Variants in SDK1 observed in about 807,000 individuals in gnomAD.
The protein encoded by SDK1 is sidekick cell adhesion molecule 1.
SDK1 carries 157 observed loss-of-function variants against 245.5 expected under a neutral mutation model. That is an observed-to-expected ratio of 0.64 (90% CI 0.56 to 0.73). The LOEUF is 0.73. Among genes scored for constraint, SDK1 ranks in the 30% least tolerant of loss-of-function variants. The probability of loss-of-function intolerance (pLI) is 0.00; values close to 1 mark genes in which losing one functional copy is unlikely to be tolerated. For synonymous variants in SDK1, 1,647 were observed against 1,278.5 expected (o/e 1.29, Z -6.15); for missense variants, 3,583 against 3,002.3 (o/e 1.19, Z -4.52).
At chr7:3,931,208 A>C (rs1332982053) in intron 5 of SDK1, among the ~76,000 whole-genome samples, 2 of 152,238 alleles carry the variant, frequency 1.3e-5, no homozygotes, top group Non-Finnish European at 2.9e-5. Context: ...TGTCTTAAGT[A>C]AAACCAGAGC....
In SDK1 at chr7:3,779,577, T is replaced by C. The variant is rs112551800; in HGVS notation, c.714-41873T>C. Among the ~76,000 whole-genome samples the C allele has an allele frequency of 6.4e-3, 975 of 152,230 alleles. 12 individuals carry two copies. The highest frequency in any genetic ancestry group is 0.01 in the Admixed American group (158 of 15,286). The stretch of plus-strand genomic sequence containing the variant: ...ACGATCTTTATATTGCTTCTCCTTT[T>C]CTCTAATACTATTTAAAATAAGAAT... On this transcript the variant is annotated intron_variant, in intron 4 of 44. Transcript: ENST00000404826.
At chr7:3,826,649 C>A (rs1779783232) in intron 5 of SDK1, among the ~76,000 whole-genome samples, 1 of 152,190 alleles carries the variant, frequency 6.6e-6, no homozygotes, top group Non-Finnish European at 1.5e-5. Context: ...GGTGAAACTG[C>A]ATCCCATGCC....
intron 1 of SDK1, among the ~76,000 whole-genome samples, chr7:3,348,060 C>A (rs748921823): frequency 3.3e-5 from 5 of 152,176 alleles, no homozygotes; most frequent in Non-Finnish European, 5.9e-5. Context: ...CAGCCCTGCA[C>A]TTCTGTGAGG....
Position 3,927,455 on chromosome 7 carries a change from T to G in SDK1, c.848-23468T>G, listed in dbSNP as rs1202830572. On this transcript the variant is annotated intron_variant, in intron 5 of 44. Transcript: ENST00000404826. ...CTCTGGAAAATAAGCATAACCCCTT[T>G]TCTCCTGTAGTAAAGGGGAACTTGG... is the stretch of plus-strand genomic sequence containing the variant. Among the ~76,000 whole-genome samples, 4 of 152,306 alleles carry G rather than the reference T, an allele frequency of 2.6e-5. No individual in the cohort carries two copies. In the East Asian group the frequency reaches 7.7e-4, roughly 29 times the overall value.
chr7:3,949,403 A>G (rs899969608), intron 5 of SDK1, among the ~76,000 whole-genome samples: 5 of 152,232 alleles, frequency 3.3e-5, no homozygotes, highest in African/African-American at 7.2e-5. Context: ...ATCAGAGCTG[A>G]TGAGAAGCCC....
intron 4 of SDK1, among the ~76,000 whole-genome samples, chr7:3,668,384 C>T (rs1398198644): frequency 6.6e-6 from 1 of 152,180 alleles, no homozygotes; most frequent in Non-Finnish European, 1.5e-5. Flanking sequence ...ACCCCAGTTC[C>T]TTTCTACATG....
intron 7 of SDK1, among the ~76,000 whole-genome samples, chr7:3,957,074 T>C (rs1315026007): frequency 6.6e-6 from 1 of 151,990 alleles, no homozygotes; most frequent in Non-Finnish European, 1.5e-5. Flanking sequence ...GTGAAAAAAA[T>C]AGTTGCAAAA....
intron 5 of SDK1, among the ~76,000 whole-genome samples, chr7:3,946,372 G>A (rs963621824): frequency 7.2e-5 from 11 of 152,216 alleles, no homozygotes; most frequent in Admixed American, 2.0e-4. Context: ...TAGACATGGG[G>A]TTTCACTATG....
At chr7:3,965,824 G>C (rs1782042884) in intron 9 of SDK1, among the ~76,000 whole-genome samples, 2 of 152,086 alleles carry the variant, frequency 1.3e-5, no homozygotes, top group African/African-American at 4.8e-5. Context: ...GAGAGATTTA[G>C]AAGGAGCAGG....
At chr7:3,436,570 A>G (rs1019057675) in intron 1 of SDK1, among the ~76,000 whole-genome samples, 3 of 152,238 alleles carry the variant, frequency 2.0e-5, no homozygotes, top group African/African-American at 7.2e-5. Context: ...GTGATAAAAA[A>G]TGAAAAATTT....
At chr7:4,125,007 T>G (rs911770815) in intron 25 of SDK1, among the ~76,000 whole-genome samples, 1 of 148,922 alleles carries the variant, frequency 6.7e-6, no homozygotes, top group Admixed American at 6.7e-5. Flanking sequence ...GATGAGTGAA[T>G]GGATGGATGG....
intron 1 of SDK1, among the ~76,000 whole-genome samples, chr7:3,442,045 C>T (rs1477663313): frequency 1.3e-5 from 2 of 152,160 alleles, no homozygotes; most frequent in Admixed American, 6.6e-5. Flanking sequence ...GTTACGTGTA[C>T]TCACCTAGCC....
At chr7:3,445,278 C>A (rs1407555141) in intron 1 of SDK1, among the ~76,000 whole-genome samples, 1 of 152,000 alleles carries the variant, frequency 6.6e-6, no homozygotes, top group African/African-American at 2.4e-5. Flanking sequence ...ATCTTAGATA[C>A]CTACAAAACA....
At chr7:3,734,022 C>T (rs576872161) in intron 4 of SDK1, among the ~76,000 whole-genome samples, 1 of 152,304 alleles carries the variant, frequency 6.6e-6, no homozygotes, top group South Asian at 2.1e-4. Context: ...GGAACAGATC[C>T]AGATCTGCTG....
In SDK1 at chr7:3,830,350, T is replaced by C. The variant is rs1779883129; in HGVS notation, c.847+8767T>C. ...TTACAAACTCCTCCACATAGCTCATTGTTAGTAATTCCTCCAATCTACCTT... is the reference window on the plus strand; with the variant it reads ...TTACAAACTCCTCCACATAGCTCATCGTTAGTAATTCCTCCAATCTACCTT... On this transcript the variant is annotated intron_variant, in intron 5 of 44. Coordinates refer to ENST00000404826, the MANE Select transcript of SDK1 (RefSeq NM_152744.4). 2.6e-5 allele frequency among the ~76,000 whole-genome samples: 4 copies of C among 152,332 alleles called. No homozygotes were observed. The South Asian group carries it at 8.3e-4, about 32-fold the overall frequency.
intron 25 of SDK1, among the ~76,000 whole-genome samples, chr7:4,123,219 T>C (rs1055664005): frequency 6.6e-6 from 1 of 152,208 alleles, no homozygotes; most frequent in South Asian, 2.1e-4. Flanking sequence ...TGGCCTCTCT[T>C]TTTGCAGACA....
intron 1 of SDK1, among the ~76,000 whole-genome samples, chr7:3,367,948 G>T (rs1336419241): frequency 1.3e-5 from 2 of 152,188 alleles, no homozygotes; most frequent in African/African-American, 4.8e-5. Flanking sequence ...CTTATTGCAT[G>T]TTGATGGAGC....
intron 1 of SDK1, among the ~76,000 whole-genome samples, chr7:3,349,493 A>C (rs1583721777): frequency 6.6e-6 from 1 of 152,316 alleles, no homozygotes; most frequent in Admixed American, 6.5e-5. Flanking sequence ...CTGGCTAGGC[A>C]TGTGTTCTGC....
In SDK1 at chr7:3,340,621, G is replaced by A. The variant is rs1184181552; in HGVS notation, c.298+38737G>A. On this transcript the variant is annotated intron_variant, in intron 1 of 44. Coordinates refer to ENST00000404826, the MANE Select transcript of SDK1 (RefSeq NM_152744.4). Reference sequence around the variant, plus strand: ...ACTAAAAATACCAAAAAAATAGCGGGGCATGGTGGCAGGCGCCTGTAGTCC... The same window carrying A: ...ACTAAAAATACCAAAAAAATAGCGGAGCATGGTGGCAGGCGCCTGTAGTCC... Among the ~76,000 whole-genome samples, 5 of 151,986 alleles carry A rather than the reference G, an allele frequency of 3.3e-5. No homozygotes were observed. In the East Asian group the frequency reaches 9.6e-4, roughly 29 times the overall value.
Sources: gnomAD v4.1 joint callset for allele counts (sites outside exome capture counted in the v4.1 genomes callset) on GRCh38, gnomAD v4.1.1 for gene constraint, MANE v1.5 for transcripts, NCBI Gene and HGNC (gene_info 2026-07-23, HGNC 2026-07-21) for gene names.